The following TRERF1 variants were observed in gnomAD, a reference collection of about 807,000 sequenced individuals.
TRERF1 encodes transcriptional-regulating factor 1.
In TRERF1, 27 loss-of-function variants were observed where a neutral mutation model predicts 122.9. The ratio of observed to expected loss-of-function variants is 0.22; its 90% CI spans 0.16 to 0.30. The LOEUF (loss-of-function observed/expected upper bound fraction) is 0.30, where lower values mean the gene tolerates loss of function less well. Among genes scored for constraint, TRERF1 ranks in the 10% least tolerant of loss-of-function variants. The probability of loss-of-function intolerance (pLI) is 1.00; values close to 1 mark genes in which losing one functional copy is unlikely to be tolerated. For synonymous variants in TRERF1, 636 were observed against 641.7 expected, an observed-to-expected ratio of 0.99 and a Z score of 0.13; for missense variants, 1,248 against 1,560.3, an observed-to-expected ratio of 0.80 and a Z score of 3.37.
chr6:42,291,099 C>T (rs1381731988), intron 4 of TRERF1, among the ~76,000 whole-genome samples: 1 of 152,198 alleles, frequency 6.6e-6, no homozygotes, highest in African/African-American at 2.4e-5. Flanking sequence ...GAGGTCACAA[C>T]AAACCTATGA....
chr6:42,267,104 C>T (rs986949796), intron 5 of TRERF1, among the ~76,000 whole-genome samples: 1 of 152,168 alleles, frequency 6.6e-6, no homozygotes, highest in African/African-American at 2.4e-5. Flanking sequence ...GCAGGAGGAT[C>T]GCCTGAGGCC....
intron 2 of TRERF1, among the ~76,000 whole-genome samples, chr6:42,447,693 C>CT (rs919781944): frequency 1.3e-5 from 2 of 152,004 alleles, no homozygotes; most frequent in Non-Finnish European, 2.9e-5. Flanking sequence ...CCTTACTTTT[C>CT]TTTTTTGTTG....
At chr6:42,234,729 C>G (rs1231216675) in intron 16 of TRERF1, among the ~76,000 whole-genome samples, 1 of 152,170 alleles carries the variant, frequency 6.6e-6, no homozygotes, top group African/African-American at 2.4e-5. Context: ...TAAAATAAAA[C>G]CAGCACGCTT....
Position 42,393,389 on chromosome 6 carries a change from A to C in TRERF1, c.-453-30310T>G, listed in dbSNP as rs974721968. ...TCTTCTGGGGCAGCCAAGGCCTCTCATCATCCCCTCTGCCCCTGAGAAGGA... is the reference window on the plus strand; with the variant it reads ...TCTTCTGGGGCAGCCAAGGCCTCTCCTCATCCCCTCTGCCCCTGAGAAGGA... On this transcript the variant is annotated intron_variant, in intron 2 of 17. Coordinates refer to ENST00000372922, the Ensembl canonical transcript of TRERF1. The surrounding 1 kb of genome is among the most constrained non-coding windows in gnomAD (Gnocchi z 4.1). Among the ~76,000 whole-genome samples, 1 of 152,232 alleles carries C rather than the reference A, an allele frequency of 6.6e-6. No individual in the cohort carries two copies. Among genetic ancestry groups the C allele is most frequent in the East Asian group, 1.9e-4 (1 of 5,208 alleles).
intron 2 of TRERF1, among the ~76,000 whole-genome samples, chr6:42,402,721 A>C (rs145132643): frequency 6.6e-6 from 1 of 152,230 alleles, no homozygotes; most frequent in Non-Finnish European, 1.5e-5. Context: ...CACCTACTAC[A>C]TCAGACACCA....
At chr6:42,301,859 G>T (rs1293587682) in intron 3 of TRERF1, among the ~76,000 whole-genome samples, 1 of 152,200 alleles carries the variant, frequency 6.6e-6, no homozygotes, top group East Asian at 1.9e-4. Context: ...TTCAGAGAGG[G>T]AGGCTAGAAA....
intron 2 of TRERF1, among the ~76,000 whole-genome samples, chr6:42,426,705 A>G (rs1332775218): frequency 6.6e-6 from 1 of 152,208 alleles, no homozygotes; most frequent in Non-Finnish European, 1.5e-5. Flanking sequence ...ATTGGAACGC[A>G]GACACGCTCA....
chr6:42,437,562 G>A (rs1785688414), intron 2 of TRERF1, among the ~76,000 whole-genome samples: 1 of 152,146 alleles, frequency 6.6e-6, no homozygotes, highest in African/African-American at 2.4e-5. Context: ...TCCACGAATA[G>A]CCCCAGAGGG....
chr6:42,441,330 G>C (rs190151330), intron 2 of TRERF1, among the ~76,000 whole-genome samples: 88 of 152,302 alleles, frequency 5.8e-4, no homozygotes, highest in East Asian at 1.2e-3. Context: ...TTGCTCAAAG[G>C]GGGGAAGGAG....
rs11376682 is a variant in TRERF1 at position 42,256,130 on chromosome 6, T to TAAA, written c.2580+595_2580+597dup. Among the ~76,000 whole-genome samples, 31 of 112,610 alleles carry TAAA rather than the reference T, an allele frequency of 2.8e-4. 1 individual carries two copies. Among genetic ancestry groups the TAAA allele is most frequent in the East Asian group, 1.0e-3 (4 of 3,972 alleles). The allele number at this position is 112,610 out of a possible 152,430, so 73.9% of individuals were successfully genotyped here. A position where few individuals can be genotyped will look rare whatever the true frequency, so the allele number is the denominator to read the frequency against. On this transcript the variant is annotated intron_variant, in intron 12 of 17. Transcript: ENST00000372922. ...TGGGCGATAGAGTGAGACTCCATCT[T>TAAA]AAAAAAAAAAAAAAAAAAAAAGGAA...
intron 4 of TRERF1, among the ~76,000 whole-genome samples, chr6:42,294,443 G>A (rs36007352): frequency 0.12 from 18,003 of 151,832 alleles, 1,051 homozygotes; most frequent in South Asian, 0.13. Flanking sequence ...GCCTCCCAAA[G>A]TGCTAGGATT....
intron 4 of TRERF1, among the ~76,000 whole-genome samples, chr6:42,294,327 C>A (rs966626016): frequency 6.6e-6 from 1 of 151,484 alleles, no homozygotes. Flanking sequence ...TACAGGCGTG[C>A]GCCACCACGC....
intron 3 of TRERF1, among the ~76,000 whole-genome samples, chr6:42,351,468 G>A (rs377511538): frequency 2.2e-4 from 34 of 152,300 alleles, no homozygotes; most frequent in African/African-American, 7.9e-4. Context: ...TAAAGACACA[G>A]GGAAATGTTC....
In TRERF1 at chr6:42,269,947, A is replaced by C; in HGVS notation, c.-258-99T>G. Reference sequence around the variant, plus strand: ...GACCAGTGATAAAAATAAACATATAATCCCAGCTACCTGGGAGGCTGAGAC... The same window carrying C: ...GACCAGTGATAAAAATAAACATATACTCCCAGCTACCTGGGAGGCTGAGAC... On this transcript the variant is annotated intron_variant, in intron 4 of 17. Transcript: ENST00000372922. The surrounding 1 kb of genome is among the most constrained non-coding windows in gnomAD (Gnocchi z 4.9). 1.9e-5 allele frequency: 4 copies of C among 206,114 alleles called. No individual in the cohort carries two copies. The highest frequency in any genetic ancestry group is 2.9e-5 in the Non-Finnish European group (3 of 103,798). The allele number at this position is 206,114 out of a possible 1,614,324, so 12.8% of individuals were successfully genotyped here.
At position 42,268,631 on chromosome 6, in the gene TRERF1, T is replaced by C. The variant is rs759498552; in HGVS notation, c.960A>G (p.Ser320=). Residue 320 remains serine, a synonymous_variant, in exon 5 of 18, where the codon TCA becomes TCG. Transcript: ENST00000372922. This position sits in a 1 kb window ranked among gnomAD's most constrained non-coding sequence, Gnocchi z 4.4. ...GCTGATAATACTGAGGTATCTGCAT[T>C]GAACCCTGCCGCTGCTGCAGCTGTA... is the stretch of plus-strand genomic sequence containing the variant. 1.2e-6 allele frequency: 2 copies of C among 1,614,028 alleles called. No homozygotes were observed. The highest frequency in any genetic ancestry group is 1.3e-5 in the African/African-American group (1 of 74,924).
At chr6:42,237,129 C>A (rs1265580172) in intron 15 of TRERF1, among the ~76,000 whole-genome samples, 1 of 152,172 alleles carries the variant, frequency 6.6e-6, no homozygotes. Context: ...TGAAAAAGAA[C>A]AAGAAAAACT....
chr6:42,272,916 T>C (rs1379406246), intron 4 of TRERF1, among the ~76,000 whole-genome samples: 2 of 152,158 alleles, frequency 1.3e-5, no homozygotes, highest in Non-Finnish European at 1.5e-5. Flanking sequence ...ACCACGTCCA[T>C]ATTCAAAGGC....
intron 17 of TRERF1, among the ~76,000 whole-genome samples, chr6:42,230,755 T>C (rs548354666): frequency 2.8e-4 from 43 of 152,244 alleles, no homozygotes; most frequent in African/African-American, 9.9e-4. Context: ...CCGAATCCCA[T>C]CTCTCCCATC....
chr6:42,424,146 T>G (rs1023625889), intron 2 of TRERF1, among the ~76,000 whole-genome samples: 1 of 152,232 alleles, frequency 6.6e-6, no homozygotes, highest in African/African-American at 2.4e-5. Flanking sequence ...CATTTGGCTT[T>G]CCAGTGTTTT....
Sources: allele counts gnomAD v4.1 joint callset (sites outside exome capture counted in the v4.1 genomes callset), GRCh38; gene constraint gnomAD v4.1.1; non-coding constraint Gnocchi (gnomAD v3.1); transcripts MANE v1.5; gene names NCBI Gene and HGNC (gene_info 2026-07-23, HGNC 2026-07-21).